Variants in PTPRJ observed in about 807,000 individuals in gnomAD.
The protein encoded by PTPRJ is protein tyrosine phosphatase receptor type J.
A neutral mutation model predicts 141.3 loss-of-function variants in PTPRJ; 129 were observed. The observed-to-expected ratio is 0.91, with a 90% confidence interval of 0.79 to 1.06. PTPRJ has a LOEUF of 1.06. Among genes scored for constraint, PTPRJ ranks in the 50% least tolerant of loss-of-function variants. The pLI, the probability that PTPRJ is intolerant of heterozygous loss-of-function variation, is 0.00. For missense variants in PTPRJ, 1,601 were observed against 1,679.7 expected (o/e 0.95, Z 0.82); for synonymous variants, 610 against 640.5 (o/e 0.95, Z 0.72).
chr11:48,017,361 G>A (rs759493200), intron 1 of PTPRJ, among the ~76,000 whole-genome samples: 3 of 152,144 alleles, frequency 2.0e-5, no homozygotes, highest in Non-Finnish European at 2.9e-5. Flanking sequence ...AACAAGCCTG[G>A]CACACTGAGT....
At chr11:48,085,360 G>A (rs1454240465) in intron 1 of PTPRJ, among the ~76,000 whole-genome samples, 2 of 150,626 alleles carry the variant, frequency 1.3e-5, no homozygotes, top group East Asian at 3.9e-4. Flanking sequence ...TTTTTGAAAC[G>A]GAGTTTCACT....
chr11:48,113,092 T>G, intron 3 of PTPRJ, 109 bp downstream of exon 3: 1 of 863,056 alleles, frequency 1.2e-6, no homozygotes, highest in Non-Finnish European at 1.7e-6. Flanking sequence ...AAGAAAATCT[T>G]TTTAAAAATT....
intron 1 of PTPRJ, among the ~76,000 whole-genome samples, chr11:48,047,548 G>T (rs1001740630): frequency 2.0e-5 from 3 of 150,986 alleles, no homozygotes; most frequent in African/African-American, 7.3e-5. Context: ...CTGTTGCCCA[G>T]GCTGGAGTGC....
rs1375285636 is a variant in PTPRJ, at chr11:48,130,377, A to G, written c.1358-82A>G. 3.6e-6 allele frequency: 5 copies of G among 1,378,694 alleles called. No homozygotes were observed. In the South Asian group the frequency reaches 4.1e-5, roughly 11 times the overall value. 85.4% of individuals were successfully genotyped at this position (1,378,694 alleles called of 1,614,324 possible). A position where few individuals can be genotyped will look rare whatever the true frequency, so the allele number is the denominator to read the frequency against. ...ATCAGGTGTCCTAAGTGTACATTTC[A>G]TCTCAGTATTTTCTGAGGTGGGGCA... On this transcript the variant is annotated intron_variant, in intron 7 of 24. Coordinates refer to ENST00000418331, the MANE Select transcript of PTPRJ (RefSeq NM_002843.4).
At chr11:48,050,955 G>A (rs1044776990) in intron 1 of PTPRJ, among the ~76,000 whole-genome samples, 29 of 152,128 alleles carry the variant, frequency 1.9e-4, no homozygotes, top group African/African-American at 7.0e-4. Flanking sequence ...TGGTTTCTAG[G>A]AAATAGCTCA....
intron 1 of PTPRJ, among the ~76,000 whole-genome samples, chr11:48,001,157 C>A (rs940801689): frequency 6.6e-6 from 1 of 151,782 alleles, no homozygotes; most frequent in Non-Finnish European, 1.5e-5. Context: ...TTACACCTAG[C>A]TAGTTTTTGT....
chr11:48,114,936 A>C (rs1385753374), intron 3 of PTPRJ, among the ~76,000 whole-genome samples: 1 of 152,266 alleles, frequency 6.6e-6, no homozygotes. Flanking sequence ...GAGAGCACCA[A>C]GAGTAGAACT....
intron 1 of PTPRJ, among the ~76,000 whole-genome samples, chr11:48,107,775 G>C (rs1358830679): frequency 6.6e-6 from 1 of 152,094 alleles, no homozygotes; most frequent in Non-Finnish European, 1.5e-5. Flanking sequence ...CTGGGTTGTT[G>C]GTCTATTTAA....
chr11:48,105,051 C>T (rs889420757), intron 1 of PTPRJ, among the ~76,000 whole-genome samples: 20 of 152,064 alleles, frequency 1.3e-4, no homozygotes, highest in Admixed American at 5.2e-4. Context: ...TGCGACTGGA[C>T]GGTAGCAAAG....
chr11:48,110,864 A>C (rs1856420135), intron 2 of PTPRJ, among the ~76,000 whole-genome samples: 1 of 152,242 alleles, frequency 6.6e-6, no homozygotes, highest in Non-Finnish European at 1.5e-5. Context: ...CTGGTAATAA[A>C]ATGAGAAAAA....
At chr11:48,060,917 A>T (rs1854904656) in intron 1 of PTPRJ, among the ~76,000 whole-genome samples, 1 of 152,188 alleles carries the variant, frequency 6.6e-6, no homozygotes, top group Non-Finnish European at 1.5e-5. Flanking sequence ...TCTTGTGTGC[A>T]GTGTGCTGCT....
Position 48,017,357 on chromosome 11 carries a change from C to G in PTPRJ, c.96+36349C>G, listed in dbSNP as rs531739858. 6.6e-5 allele frequency among the ~76,000 whole-genome samples: 10 copies of G among 152,178 alleles called. No homozygotes were observed. In the East Asian group the frequency reaches 1.4e-3, roughly 21 times the overall value. On this transcript the variant is annotated intron_variant, in intron 1 of 24. Transcript: ENST00000418331. ...AGCTGGGGCTTGGCTGGATAACAAG[C>G]CTGGCACACTGAGTTTGTCTCTGAG...
chr11:48,124,692 C>A (rs1223256505), intron 5 of PTPRJ, among the ~76,000 whole-genome samples: 4 of 152,168 alleles, frequency 2.6e-5, no homozygotes, highest in African/African-American at 9.7e-5. Flanking sequence ...AGATAACAAC[C>A]CAAAGAAGGG....
intron 1 of PTPRJ, among the ~76,000 whole-genome samples, chr11:48,021,744 G>A (rs936533876): frequency 6.6e-6 from 1 of 152,182 alleles, no homozygotes; most frequent in Admixed American, 6.5e-5. Flanking sequence ...GCCTTTCATT[G>A]TCATCTCCAG....
chr11:48,120,177 G>A (rs117806077), intron 3 of PTPRJ, among the ~76,000 whole-genome samples: 1 of 152,302 alleles, frequency 6.6e-6, no homozygotes, highest in Non-Finnish European at 1.5e-5. Flanking sequence ...AGAGAAACTT[G>A]AGACTGAGAG....
chr11:48,020,077 A>G (rs1260559432), intron 1 of PTPRJ, among the ~76,000 whole-genome samples: 1 of 152,222 alleles, frequency 6.6e-6, no homozygotes, highest in Non-Finnish European at 1.5e-5. Flanking sequence ...CGGAACTTAT[A>G]AAATACAAAG....
chr11:48,053,514 T>G (rs1225370192), intron 1 of PTPRJ, among the ~76,000 whole-genome samples: 2 of 124,252 alleles, frequency 1.6e-5, no homozygotes, highest in Non-Finnish European at 3.1e-5. Context: ...TCACGGAAAC[T>G]CTGAAGGAGA....
At chr11:48,062,696 C>T (rs572210060) in intron 1 of PTPRJ, among the ~76,000 whole-genome samples, 1 of 152,298 alleles carries the variant, frequency 6.6e-6, no homozygotes, top group South Asian at 2.1e-4. Flanking sequence ...GAAGAGAGAT[C>T]GAACAAGAAG....
chr11:48,049,939 A>C (rs979196856), intron 1 of PTPRJ, among the ~76,000 whole-genome samples: 1 of 152,154 alleles, frequency 6.6e-6, no homozygotes, highest in Non-Finnish European at 1.5e-5. Context: ...GGGAAAAATC[A>C]TAGTCTTAGA....
Sources: gnomAD v4.1 joint callset for allele counts (sites outside exome capture counted in the v4.1 genomes callset) on GRCh38, gnomAD v4.1.1 for gene constraint, MANE v1.5 for transcripts, NCBI Gene and HGNC (gene_info 2026-07-23, HGNC 2026-07-21) for gene names.